Variants in LDLRAD4 observed in about 807,000 individuals in gnomAD.
LDLRAD4 encodes low density lipoprotein receptor class A domain containing 4.
LDLRAD4 carries 5 observed loss-of-function variants against 17.0 expected under a neutral mutation model. The observed-to-expected ratio is 0.29, with a 90% CI of 0.15 to 0.62. The LOEUF (loss-of-function observed/expected upper bound fraction) is 0.62. Among genes scored for constraint, LDLRAD4 ranks in the 20% least tolerant of loss-of-function variants. LDLRAD4 has a pLI of 0.84. For synonymous variants in LDLRAD4, 168 were observed against 171.8 expected (o/e 0.98, Z 0.17); for missense variants, 340 against 424.7 (o/e 0.80, Z 1.75).
chr18:13,610,313 A>G (rs2039424010), intron 3 of LDLRAD4, among the ~76,000 whole-genome samples: 1 of 56,666 alleles, frequency 1.8e-5, no homozygotes, highest in Non-Finnish European at 3.7e-5. Flanking sequence ...TTTGAGACGG[A>G]GTCTCACTCT....
chr18:13,441,469 G>C (rs139248754), intron 3 of LDLRAD4, among the ~76,000 whole-genome samples: 173 of 152,334 alleles, frequency 1.1e-3, no homozygotes, highest in Admixed American at 3.4e-3. Context: ...AGCAGGATTG[G>C]CTTGTGTGAT....
At chr18:13,429,947 G>C (rs1398098966) in intron 2 of LDLRAD4, among the ~76,000 whole-genome samples, 1 of 152,264 alleles carries the variant, frequency 6.6e-6, no homozygotes, top group East Asian at 1.9e-4. Flanking sequence ...GTAAGAGCTG[G>C]AAGGAGGCCG....
At chr18:13,374,880 G>A (rs2084784261) in intron 1 of LDLRAD4, among the ~76,000 whole-genome samples, 1 of 152,178 alleles carries the variant, frequency 6.6e-6, no homozygotes, top group Non-Finnish European at 1.5e-5. Flanking sequence ...TTCCTAAAGA[G>A]CACCCCAGGC....
chr18:13,457,847 G>A (rs956156350), intron 3 of LDLRAD4, among the ~76,000 whole-genome samples: 13 of 152,150 alleles, frequency 8.5e-5, no homozygotes, highest in Non-Finnish European at 1.5e-4. Context: ...CTTGCTCTTT[G>A]TGGTGGTAAG....
At chr18:13,292,291 C>T (rs542674573) in intron 1 of LDLRAD4, among the ~76,000 whole-genome samples, 24 of 152,346 alleles carry the variant, frequency 1.6e-4, no homozygotes, top group African/African-American at 5.3e-4. Flanking sequence ...GGGCTGCTGG[C>T]ACAATGCCTG....
intron 1 of LDLRAD4, among the ~76,000 whole-genome samples, chr18:13,332,917 T>C (rs2081939721): frequency 6.6e-6 from 1 of 152,198 alleles, no homozygotes; most frequent in South Asian, 2.1e-4. Context: ...TTTAACTTTT[T>C]TTTAGTAAAT....
At position 13,252,659 on chromosome 18, in the gene LDLRAD4, T is replaced by C. The variant is rs546584045; in HGVS notation, c.-466-25446T>C. Reference sequence around the variant, plus strand: ...GTGCCCCCCACCATACTGGGCACGGTGGGACTGCCGCAGATGTGATGGATG... The same window carrying C: ...GTGCCCCCCACCATACTGGGCACGGCGGGACTGCCGCAGATGTGATGGATG... On this transcript the variant is annotated intron_variant, in intron 1 of 5. Coordinates refer to the LDLRAD4 transcript ENST00000399848. Among the ~76,000 whole-genome samples the C allele has an allele frequency of 3.1e-3, 473 of 152,296 alleles. 1 individual carries two copies. The highest frequency in any genetic ancestry group is 0.01 in the Middle Eastern group (3 of 292).
intron 3 of LDLRAD4, chr18:13,491,654 T>C (rs150839077): frequency 6.6e-6 from 1 of 152,300 alleles, no homozygotes; most frequent in African/African-American, 2.4e-5. Flanking sequence ...AAAAGAAGCA[T>C]TTGTGTGGAG....
intron 2 of LDLRAD4, among the ~76,000 whole-genome samples, chr18:13,392,868 G>T (rs948775920): frequency 6.6e-6 from 1 of 152,150 alleles, no homozygotes; most frequent in African/African-American, 2.4e-5. Flanking sequence ...ATAAATTAAG[G>T]TTATTTCGCT....
chr18:13,253,868 A>G (rs1196297587), intron 1 of LDLRAD4, among the ~76,000 whole-genome samples: 1 of 152,160 alleles, frequency 6.6e-6, no homozygotes, highest in Non-Finnish European at 1.5e-5. Flanking sequence ...TCATGGCAGG[A>G]TGGTGGCGCC....
chr18:13,480,543 C>T (rs769309727), intron 3 of LDLRAD4, among the ~76,000 whole-genome samples: 8 of 152,142 alleles, frequency 5.3e-5, no homozygotes, highest in Admixed American at 2.0e-4. Flanking sequence ...TGAACCCTAA[C>T]GAAGGCCACA....
intron 3 of LDLRAD4, among the ~76,000 whole-genome samples, chr18:13,541,350 T>C (rs368133400): frequency 6.6e-6 from 1 of 152,186 alleles, no homozygotes; most frequent in East Asian, 1.9e-4. Context: ...AATAGGGACT[T>C]GGTTAAAGAA....
intron 3 of LDLRAD4, among the ~76,000 whole-genome samples, chr18:13,603,159 C>T (rs1272433131): frequency 6.6e-6 from 1 of 152,144 alleles, no homozygotes; most frequent in African/African-American, 2.4e-5. Context: ...AGACAATAAC[C>T]TTAAATTTCC....
intron 1 of LDLRAD4, among the ~76,000 whole-genome samples, chr18:13,270,649 T>C (rs7228541): frequency 0.062 from 9,428 of 152,272 alleles, 945 homozygotes; most frequent in African/African-American, 0.21. Flanking sequence ...TAGAGCGGAA[T>C]GCAGTTAGCT....
chr18:13,251,262 G>A (rs2043211004), intron 1 of LDLRAD4, among the ~76,000 whole-genome samples: 1 of 152,168 alleles, frequency 6.6e-6, no homozygotes, highest in African/African-American at 2.4e-5. Flanking sequence ...CAAAACCACA[G>A]CTGACATCGT....
At chr18:13,577,404 G>A (rs777158176) in intron 3 of LDLRAD4, among the ~76,000 whole-genome samples, 3 of 152,168 alleles carry the variant, frequency 2.0e-5, no homozygotes, top group Non-Finnish European at 4.4e-5. Context: ...GGGTTTGCTG[G>A]CTGCTGGGGA....
At chr18:13,379,768 G>A (rs1052930211) in intron 1 of LDLRAD4, among the ~76,000 whole-genome samples, 5 of 152,178 alleles carry the variant, frequency 3.3e-5, no homozygotes, top group South Asian at 2.1e-4. Flanking sequence ...AAATTGTTTC[G>A]TACAAACAGC....
At chr18:13,514,074 A>G (rs529649759) in intron 3 of LDLRAD4, among the ~76,000 whole-genome samples, 9 of 152,202 alleles carry the variant, frequency 5.9e-5, no homozygotes, top group Non-Finnish European at 1.3e-4. Context: ...TTGTTGTTGT[A>G]TTTCATGTGT....
chr18:13,316,690 G>A (rs1040193341), intron 1 of LDLRAD4, among the ~76,000 whole-genome samples: 1 of 152,180 alleles, frequency 6.6e-6, no homozygotes, highest in Non-Finnish European at 1.5e-5. Context: ...CTGTTGTTAG[G>A]GAAGCTGTTG....
Sources: gnomAD v4.1 joint callset for allele counts (sites outside exome capture counted in the v4.1 genomes callset) on GRCh38, gnomAD v4.1.1 for gene constraint, MANE v1.5 for transcripts, NCBI Gene and HGNC (gene_info 2026-07-23, HGNC 2026-07-21) for gene names.